TMEM233: variants seen among roughly 807,000 people sequenced by gnomAD.
TMEM233 encodes the protein dispanin subfamily B member 2.
TMEM233 carries 6 observed loss-of-function variants against 11.2 expected under a neutral mutation model. The ratio of observed to expected loss-of-function variants is 0.54; its 90% CI spans 0.29 to 1.06. The LOEUF is 1.06. TMEM233 is among the 50% of genes least tolerant of loss of function. TMEM233 has a pLI of 0.08. For synonymous variants in TMEM233, 59 were observed against 55.8 expected (o/e 1.06, Z -0.26); for missense variants, 127 against 144.7 (o/e 0.88, Z 0.63).
At chr12:119,620,328 G>C (rs1954615355) in intron 1 of TMEM233, among the ~76,000 whole-genome samples, 1 of 152,114 alleles carries the variant, frequency 6.6e-6, no homozygotes. Context: ...GCATAGATTT[G>C]GATAACCTTT....
At chr12:119,613,068 A>G (rs11064844) in intron 1 of TMEM233, among the ~76,000 whole-genome samples, 53,612 of 151,880 alleles carry the variant, frequency 0.35, 10,190 homozygotes, top group African/African-American at 0.45. Flanking sequence ...CCATCAACTC[A>G]TCATTTACAT....
intron 2 of TMEM233, among the ~76,000 whole-genome samples, chr12:119,638,899 C>T (rs566069676): frequency 6.6e-6 from 1 of 151,918 alleles, no homozygotes; most frequent in Admixed American, 6.6e-5. Flanking sequence ...CAGGTGGAGA[C>T]ATCCTTCTTA....
At chr12:119,631,456 G>T (rs1178489201) in intron 2 of TMEM233, 2 of 976,402 alleles carry the variant, frequency 2.0e-6, no homozygotes, top group East Asian at 2.3e-4. Context: ...AAACAGAAGT[G>T]TCACAAAAGA....
chr12:119,650,628 TTTGTTGTTGTTG>T, the TMEM233 span, among the ~76,000 whole-genome samples: 9 of 151,452 alleles, frequency 5.9e-5, 1 homozygote, highest in Non-Finnish European at 8.8e-5. Flanking sequence ...CTTATTTGAT[TTTGTTGTTGTTG>T]TTGTTGTTGT....
chr12:119,609,604 C>T (rs1185422361), intron 1 of TMEM233, among the ~76,000 whole-genome samples: 1 of 152,210 alleles, frequency 6.6e-6, no homozygotes, highest in African/African-American at 2.4e-5. Context: ...TGCCCTGCAT[C>T]CAAGCTGCTT....
intron 1 of TMEM233, among the ~76,000 whole-genome samples, chr12:119,622,234 G>GA (rs1257991303): frequency 6.6e-6 from 1 of 152,054 alleles, no homozygotes; most frequent in Non-Finnish European, 1.5e-5. Flanking sequence ...TTCATGCGGG[G>GA]AAAAAATCTA....
At chr12:119,622,596 TAC>T (rs1174907179) in intron 1 of TMEM233, among the ~76,000 whole-genome samples, 2 of 152,130 alleles carry the variant, frequency 1.3e-5, no homozygotes, top group Non-Finnish European at 2.9e-5. Context: ...GGAAAAGAAT[TAC>T]AGTGACATGT....
Position 119,594,064 on chromosome 12 carries a change from G to A in TMEM233, c.186+30G>A. The A allele has an allele frequency of 3.2e-6, 5 of 1,548,910 alleles. No homozygotes were observed. Among genetic ancestry groups the A allele is most frequent in the Non-Finnish European group, 3.5e-6 (4 of 1,145,374 alleles). ...GTGAATCACGGCCAGAGGCAGCCTG[G>A]GAGGAGAGACCCGGGCGGCTTTGAG... is the stretch of plus-strand genomic sequence containing the variant. On this transcript the variant is annotated intron_variant, in intron 1 of 2. Coordinates refer to ENST00000426426, the MANE Select transcript of TMEM233 (RefSeq NM_001136534.3). The surrounding 1 kb of genome is among the most constrained non-coding windows in gnomAD (Gnocchi z 5.6).
rs374921550 is a variant in TMEM233 at position 119,611,361 on chromosome 12, C to T, written c.186+17327C>T. Reference sequence around the variant, plus strand: ...CATGTTATTATCTTTTTTACTGTGGCTATCCCAGTAGATGCAAAGTGGTAT... The same window carrying T: ...CATGTTATTATCTTTTTTACTGTGGTTATCCCAGTAGATGCAAAGTGGTAT... On this transcript the variant is annotated intron_variant, in intron 1 of 2. Coordinates refer to ENST00000426426, the MANE Select transcript of TMEM233 (RefSeq NM_001136534.3). 1.1e-4 allele frequency among the ~76,000 whole-genome samples: 17 copies of T among 152,224 alleles called. No homozygotes were observed. The East Asian group carries it at 2.3e-3, about 21-fold the overall frequency.
chr12:119,599,287 T>C (rs1219784064), intron 1 of TMEM233, among the ~76,000 whole-genome samples: 2 of 152,222 alleles, frequency 1.3e-5, no homozygotes, highest in Admixed American at 1.3e-4. Flanking sequence ...TTAAAGAGTG[T>C]AATTGCATTG....
the TMEM233 span, among the ~76,000 whole-genome samples, chr12:119,648,872 T>G: frequency 4.7e-4 from 71 of 152,346 alleles, no homozygotes; most frequent in Middle Eastern, 3.4e-3. Context: ...ACTTGAATTT[T>G]AAAGCAAGAT....
At chr12:119,615,674 G>A (rs1954513187) in intron 1 of TMEM233, among the ~76,000 whole-genome samples, 1 of 152,154 alleles carries the variant, frequency 6.6e-6, no homozygotes, top group South Asian at 2.1e-4. Flanking sequence ...CTCATCCAGG[G>A]TATCATGTGG....
At chr12:119,629,121 G>C (rs932826732) in intron 1 of TMEM233, among the ~76,000 whole-genome samples, 1 of 152,096 alleles carries the variant, frequency 6.6e-6, no homozygotes, top group Non-Finnish European at 1.5e-5. Context: ...TGCCGAACAA[G>C]ACAGAAGGCC....
At chr12:119,635,410 T>G (rs1417322656) in intron 2 of TMEM233, among the ~76,000 whole-genome samples, 2 of 152,226 alleles carry the variant, frequency 1.3e-5, no homozygotes, top group Non-Finnish European at 2.9e-5. Context: ...GGCTTGCATT[T>G]AATGAAGAAC....
intron 1 of TMEM233, among the ~76,000 whole-genome samples, chr12:119,620,495 A>G (rs1954619279): frequency 1.3e-5 from 2 of 152,220 alleles, no homozygotes; most frequent in Admixed American, 1.3e-4. Flanking sequence ...CAATCTCAAC[A>G]AATTTTAAAT....
chr12:119,646,163 T>C (rs541843471), downstream of TMEM233, among the ~76,000 whole-genome samples: 3 of 151,080 alleles, frequency 2.0e-5, no homozygotes, highest in South Asian at 6.6e-4. Flanking sequence ...GTTCAAGCAA[T>C]TCTTCTGCCT....
In TMEM233 at chr12:119,617,526, G is replaced by A. The variant is rs553038331; in HGVS notation, c.187-12210G>A. Among the ~76,000 whole-genome samples the A allele has an allele frequency of 3.1e-4, 47 of 152,204 alleles. No homozygotes were observed. In the South Asian group the frequency reaches 4.6e-3, roughly 15 times the overall value. On this transcript the variant is annotated intron_variant, in intron 1 of 2. Coordinates refer to ENST00000426426, the MANE Select transcript of TMEM233 (RefSeq NM_001136534.3). The stretch of plus-strand genomic sequence containing the variant: ...TAAAAGTTTGAAAAATTTGCAGCCC[G>A]ATGATGTGATAGAAAAGAAAACCCC...
intron 1 of TMEM233, among the ~76,000 whole-genome samples, chr12:119,629,483 C>T (rs1032440645): frequency 1.3e-5 from 2 of 152,090 alleles, no homozygotes; most frequent in African/African-American, 4.8e-5. Flanking sequence ...GTGGGAGAGA[C>T]AAAATCTTGT....
chr12:119,615,459 T>C (rs921471733), intron 1 of TMEM233, among the ~76,000 whole-genome samples: 1 of 152,210 alleles, frequency 6.6e-6, no homozygotes, highest in African/African-American at 2.4e-5. Flanking sequence ...AAAAAAATTC[T>C]GATGCTGGGG....
Sources: gnomAD v4.1 joint callset for allele counts (sites outside exome capture counted in the v4.1 genomes callset) on GRCh38, gnomAD v4.1.1 for gene constraint, Gnocchi (gnomAD v3.1) non-coding constraint, MANE v1.5 for transcripts, NCBI Gene and HGNC (gene_info 2026-07-23, HGNC 2026-07-21) for gene names.